Variants in PARD3B observed in about 807,000 individuals in gnomAD.
PARD3B encodes par-3 family cell polarity regulator beta, also known as partitioning defective 3 homolog B.
Under a neutral mutation model 130.2 loss-of-function variants are expected in PARD3B, and 103 were observed. The observed-to-expected ratio is 0.79, with a 90% CI of 0.67 to 0.93. The LOEUF (loss-of-function observed/expected upper bound fraction) is 0.93, where lower values mean the gene tolerates loss of function less well. Among genes scored for constraint, PARD3B ranks in the 40% least tolerant of loss-of-function variants. The probability of loss-of-function intolerance (pLI) is 0.00; values close to 1 mark genes in which losing one functional copy is unlikely to be tolerated. For synonymous variants in PARD3B, 583 were observed against 553.2 expected (o/e 1.05, Z -0.76); for missense variants, 1,609 against 1,499.2 (o/e 1.07, Z -1.21).
chr2:204,936,678 G>A (rs560666737), intron 2 of PARD3B, among the ~76,000 whole-genome samples: 1 of 152,324 alleles, frequency 6.6e-6, no homozygotes, highest in East Asian at 1.9e-4. Flanking sequence ...TGAGTTCACA[G>A]TCAATCTCTT....
chr2:205,031,792 T>C (rs1697446856), intron 3 of PARD3B, among the ~76,000 whole-genome samples: 1 of 152,188 alleles, frequency 6.6e-6, no homozygotes, highest in African/African-American at 2.4e-5. Flanking sequence ...GCTCAGATTC[T>C]GCTATAATTT....
rs1020232158 is a variant in PARD3B at position 205,183,954 on chromosome 2, A to T, written c.1925-1810A>T. Among the ~76,000 whole-genome samples, 3 of 151,972 alleles carry T rather than the reference A, an allele frequency of 2.0e-5. No individual in the cohort carries two copies. The highest frequency in any genetic ancestry group is 4.4e-5 in the Non-Finnish European group (3 of 68,004). On this transcript the variant is annotated intron_variant, in intron 13 of 22. Coordinates refer to ENST00000406610, the MANE Select transcript of PARD3B (RefSeq NM_001302769.2). The surrounding 1 kb of genome is among the most constrained non-coding windows in gnomAD (Gnocchi z 5.2). ...CAGTCTGAAGACAAACGGGCTTGAGACTCAGGAAGAACTGATGTTTCCGTT... is the reference window on the plus strand; with the variant it reads ...CAGTCTGAAGACAAACGGGCTTGAGTCTCAGGAAGAACTGATGTTTCCGTT...
chr2:205,481,099 T>C (rs986202823), intron 20 of PARD3B, among the ~76,000 whole-genome samples: 3 of 152,110 alleles, frequency 2.0e-5, no homozygotes, highest in African/African-American at 4.8e-5. Flanking sequence ...GGGAGGGCCA[T>C]GTAGACCCTG....
chr2:204,855,557 A>G (rs2044899075), intron 2 of PARD3B, among the ~76,000 whole-genome samples: 1 of 131,310 alleles, frequency 7.6e-6, no homozygotes, highest in Non-Finnish European at 1.5e-5. Context: ...AAAAAAATAT[A>G]TATATATATA....
chr2:205,082,313 A>G (rs1383411271), intron 4 of PARD3B, among the ~76,000 whole-genome samples: 1 of 152,180 alleles, frequency 6.6e-6, no homozygotes, highest in Non-Finnish European at 1.5e-5. Flanking sequence ...GCTGAACTCT[A>G]TAGTATACTC....
intron 1 of PARD3B, among the ~76,000 whole-genome samples, chr2:204,565,270 C>T (rs968427944): frequency 6.6e-6 from 1 of 152,218 alleles, no homozygotes; most frequent in Admixed American, 6.5e-5. Context: ...CAGCTCGCAA[C>T]ACGGAGTATT....
Position 204,681,412 on chromosome 2 carries a change from A to T in PARD3B, c.121-4769A>T, listed in dbSNP as rs150450251. 1.2e-3 allele frequency among the ~76,000 whole-genome samples: 186 copies of T among 152,224 alleles called. 1 individual carries two copies. Among genetic ancestry groups the T allele is most frequent in the African/African-American group, 4.4e-3 (181 of 41,522 alleles). The stretch of plus-strand genomic sequence containing the variant: ...TCCGGGTCCCATTCTAGTTCTGCTG[A>T]ATTCTTTGGAAACATACTGTAGTTA... On this transcript the variant is annotated intron_variant, in intron 1 of 22. Coordinates refer to ENST00000406610, the MANE Select transcript of PARD3B (RefSeq NM_001302769.2).
At chr2:204,865,451 G>C (rs183461524) in intron 2 of PARD3B, among the ~76,000 whole-genome samples, 158 of 152,302 alleles carry the variant, frequency 1.0e-3, no homozygotes, top group African/African-American at 3.6e-3. Flanking sequence ...ATACTACTCA[G>C]CTATAAAAAG....
At chr2:205,284,993 GTT>G (rs5837964) in intron 16 of PARD3B, among the ~76,000 whole-genome samples, 10 of 143,802 alleles carry the variant, frequency 7.0e-5, no homozygotes, top group African/African-American at 2.3e-4. Context: ...GCACAAAACA[GTT>G]TTTTTTTTTT....
intron 21 of PARD3B, among the ~76,000 whole-genome samples, chr2:205,516,660 G>A (rs893881849): frequency 6.6e-6 from 1 of 152,114 alleles, no homozygotes; most frequent in African/African-American, 2.4e-5. Flanking sequence ...AGCTGAAGGA[G>A]CTTTTGGGTT....
At chr2:205,234,849 A>T (rs188225663) in intron 15 of PARD3B, among the ~76,000 whole-genome samples, 1 of 152,350 alleles carries the variant, frequency 6.6e-6, no homozygotes, top group East Asian at 1.9e-4. Context: ...TTCTGTCAGC[A>T]TAGTAAAATT....
chr2:205,564,388 T>C lies in PARD3B; in HGVS notation c.3260+10985T>C, dbSNP rs1204624532. 6.6e-6 allele frequency among the ~76,000 whole-genome samples: 1 copy of C among 152,212 alleles called. No homozygotes were observed. The highest frequency in any genetic ancestry group is 2.4e-5 in the African/African-American group (1 of 41,446). On this transcript the variant is annotated intron_variant, in intron 22 of 22. Coordinates refer to ENST00000406610, the MANE Select transcript of PARD3B (RefSeq NM_001302769.2). The surrounding 1 kb of genome is among the most constrained non-coding windows in gnomAD (Gnocchi z 4.6). ...CAACCACTGAATCACAGAACTCCTC[T>C]TAGCAAATTCAAACACCCACTTCCT...
intron 19 of PARD3B, among the ~76,000 whole-genome samples, chr2:205,404,924 G>T (rs1301488430): frequency 6.6e-6 from 1 of 152,082 alleles, no homozygotes. Context: ...TAATTTCCTT[G>T]TAATCATTTT....
chr2:204,634,233 A>G (rs544134006), intron 1 of PARD3B, among the ~76,000 whole-genome samples: 10 of 152,320 alleles, frequency 6.6e-5, no homozygotes, highest in Admixed American at 6.5e-4. Context: ...AATAAGTGAG[A>G]ACATGCGATG....
At chr2:204,903,023 A>G (rs1009354634) in intron 2 of PARD3B, among the ~76,000 whole-genome samples, 12 of 152,238 alleles carry the variant, frequency 7.9e-5, no homozygotes, top group African/African-American at 2.9e-4. Context: ...CAAGGAGTGA[A>G]CTGTGTTTGG....
At chr2:205,376,692 A>G (rs1056123928) in intron 18 of PARD3B, among the ~76,000 whole-genome samples, 3 of 152,172 alleles carry the variant, frequency 2.0e-5, no homozygotes, top group African/African-American at 7.2e-5. Flanking sequence ...AATCACTGCC[A>G]TGGGAGATGT....
At chr2:205,593,619 A>G (rs1044742310) in intron 22 of PARD3B, among the ~76,000 whole-genome samples, 2 of 152,218 alleles carry the variant, frequency 1.3e-5, no homozygotes, top group African/African-American at 2.4e-5. Flanking sequence ...AGTTAACTAC[A>G]TACATTCCTC....
intron 2 of PARD3B, among the ~76,000 whole-genome samples, chr2:204,789,525 C>T (rs914889511): frequency 6.6e-6 from 1 of 152,164 alleles, no homozygotes; most frequent in Non-Finnish European, 1.5e-5. Flanking sequence ...TTAAAACTCA[C>T]ATACATAAAA....
At chr2:205,367,889 T>C (rs2044667500) in intron 18 of PARD3B, among the ~76,000 whole-genome samples, 2 of 152,228 alleles carry the variant, frequency 1.3e-5, no homozygotes, top group South Asian at 4.1e-4. Flanking sequence ...CCCCTTTTAC[T>C]CCTTTTATTC....
Sources: gnomAD v4.1 joint callset for allele counts (sites outside exome capture counted in the v4.1 genomes callset) on GRCh38, gnomAD v4.1.1 for gene constraint, Gnocchi (gnomAD v3.1) non-coding constraint, MANE v1.5 for transcripts, NCBI Gene and HGNC (gene_info 2026-07-23, HGNC 2026-07-21) for gene names.